The following CUL5 variants were observed in gnomAD, a reference collection of about 807,000 sequenced individuals.
CUL5 encodes the protein cullin 5.
CUL5 carries 26 observed loss-of-function variants against 108.8 expected under a neutral mutation model. The observed-to-expected ratio is 0.24, with a 90% CI of 0.18 to 0.33. CUL5 has a LOEUF of 0.33. CUL5 is among the 10% of genes least tolerant of loss of function. CUL5 has a pLI of 1.00. For missense variants in CUL5, 524 were observed against 909.2 expected (o/e 0.58, Z 5.45); for synonymous variants, 334 against 298.0 (o/e 1.12, Z -1.25).
intron 18 of CUL5, among the ~76,000 whole-genome samples, chr11:108,103,722 A>G (rs1864724893): frequency 1.3e-5 from 2 of 152,230 alleles, no homozygotes; most frequent in African/African-American, 4.8e-5. Context: ...TGAAGGAAAT[A>G]ATATTAAAAC....
chr11:108,092,730 A>T (rs1359703736), intron 13 of CUL5, among the ~76,000 whole-genome samples: 1 of 152,158 alleles, frequency 6.6e-6, no homozygotes, highest in Non-Finnish European at 1.5e-5. Context: ...GGGTGATGAA[A>T]ATGTTCTAAA....
chr11:108,062,456 T>C (rs1288934294), intron 7 of CUL5, among the ~76,000 whole-genome samples: 1 of 151,588 alleles, frequency 6.6e-6, no homozygotes, highest in African/African-American at 2.4e-5. Context: ...AATCTGCCAG[T>C]ATCATAGATT....
At chr11:108,083,375 T>G (rs761665872) in intron 11 of CUL5, among the ~76,000 whole-genome samples, 6 of 152,246 alleles carry the variant, frequency 3.9e-5, no homozygotes, top group Non-Finnish European at 5.9e-5. Flanking sequence ...GATAATATTG[T>G]ACATTGAATA....
intron 1 of CUL5, among the ~76,000 whole-genome samples, chr11:108,012,051 AT>A (rs1248141563): frequency 2.0e-5 from 3 of 152,244 alleles, no homozygotes; most frequent in Non-Finnish European, 4.4e-5. Flanking sequence ...ATTTTGACAT[AT>A]ACAGTTAACT....
rs1378236999 is a variant in CUL5 at position 108,072,477 on chromosome 11, A to G, written c.1005+15A>G. On this transcript the variant is annotated intron_variant, in intron 9 of 18. Transcript: ENST00000393094. ...CTATTACTACTGTAAGTTTTTTTTCAATGGCAATGATAGATATATATCAAG... is the reference window on the plus strand; with the variant it reads ...CTATTACTACTGTAAGTTTTTTTTCGATGGCAATGATAGATATATATCAAG... The G allele has an allele frequency of 1.0e-5, 16 of 1,594,270 alleles. No individual in the cohort carries two copies. Among genetic ancestry groups the G allele is most frequent in the Non-Finnish European group, 1.4e-5 (16 of 1,169,668 alleles).
At chr11:108,019,068 A>G (rs1266778354) in intron 1 of CUL5, among the ~76,000 whole-genome samples, 3 of 152,022 alleles carry the variant, frequency 2.0e-5, no homozygotes, top group Non-Finnish European at 2.9e-5. Context: ...CATTTACATT[A>G]TAGTAGGTAT....
chr11:108,073,652 G>A (rs1387037603), intron 10 of CUL5, 155 bp downstream of exon 10: 5 of 403,022 alleles, frequency 1.2e-5, no homozygotes, highest in African/African-American at 4.1e-5. Flanking sequence ...TATTCGTTTT[G>A]TCTTGGCTGT....
intron 7 of CUL5, among the ~76,000 whole-genome samples, chr11:108,067,079 CCT>C (rs1863702701): frequency 6.6e-6 from 1 of 152,168 alleles, no homozygotes; most frequent in African/African-American, 2.4e-5. Flanking sequence ...TAACTCAAGA[CCT>C]TATGAACCAA....
At chr11:108,097,484 T>A in intron 16 of CUL5, 152 bp from the exon 17 acceptor site, 1 of 548,996 alleles carries the variant, frequency 1.8e-6, no homozygotes, top group Non-Finnish European at 3.3e-6. Context: ...CTTTCCTCAT[T>A]ATGCATTCAA....
intron 11 of CUL5, among the ~76,000 whole-genome samples, chr11:108,083,635 T>G (rs956527403): frequency 6.6e-6 from 1 of 152,160 alleles, no homozygotes. Context: ...ACAAAATGTT[T>G]TAAAAATTAG....
intron 3 of CUL5, among the ~76,000 whole-genome samples, chr11:108,049,386 G>T (rs1412593264): frequency 6.6e-6 from 1 of 151,354 alleles, no homozygotes; most frequent in African/African-American, 2.4e-5. Flanking sequence ...CTGTCGCCCA[G>T]GCCAGAGTGC....
rs56014421 is a variant in CUL5 at position 108,059,679 on chromosome 11, C to T, written c.780+4724C>T. Among the ~76,000 whole-genome samples the T allele has an allele frequency of 6.2e-3, 949 of 152,056 alleles. 9 individuals are homozygous for T. Among genetic ancestry groups the T allele is most frequent in the Admixed American group, 0.011 (172 of 15,262 alleles). ...GGATCATGAGGTCAGGAGTTCAAGA[C>T]CAGCCTGGCCAACACGGTGAAACCC... is the stretch of plus-strand genomic sequence containing the variant. On this transcript the variant is annotated intron_variant, in intron 7 of 18. Coordinates refer to ENST00000393094, the MANE Select transcript of CUL5 (RefSeq NM_003478.6).
At chr11:108,065,329 A>AT (rs1196817573) in intron 7 of CUL5, among the ~76,000 whole-genome samples, 2 of 151,954 alleles carry the variant, frequency 1.3e-5, no homozygotes, top group African/African-American at 2.4e-5. Context: ...GTTGGGAGAA[A>AT]TTTTATTATG....
intron 2 of CUL5, among the ~76,000 whole-genome samples, chr11:108,038,485 C>T (rs12788061): frequency 0.064 from 9,693 of 151,946 alleles, 420 homozygotes; most frequent in Non-Finnish European, 0.1. Context: ...GTCAGGAGTT[C>T]GAGACCAGCC....
chr11:108,075,566 C>A (rs1402828298), intron 10 of CUL5, among the ~76,000 whole-genome samples: 2 of 152,146 alleles, frequency 1.3e-5, no homozygotes, highest in Non-Finnish European at 2.9e-5. Flanking sequence ...CAGGGAAGTT[C>A]GCTGTGTCGC....
intron 2 of CUL5, among the ~76,000 whole-genome samples, chr11:108,034,786 T>C (rs1862689268): frequency 6.6e-6 from 1 of 152,222 alleles, no homozygotes; most frequent in African/African-American, 2.4e-5. Context: ...TTTCATGTCT[T>C]CTCAATCATC....
At chr11:108,075,977 A>G (rs553298839) in intron 10 of CUL5, among the ~76,000 whole-genome samples, 1 of 152,256 alleles carries the variant, frequency 6.6e-6, no homozygotes, top group East Asian at 1.9e-4. Context: ...GAGCACCCAA[A>G]GTCTACTTAG....
At chr11:108,011,748 G>A (rs549378762) in intron 1 of CUL5, among the ~76,000 whole-genome samples, 1 of 151,946 alleles carries the variant, frequency 6.6e-6, no homozygotes, top group East Asian at 1.9e-4. Flanking sequence ...CTGCCTCAGC[G>A]TCCCGAGTAG....
chr11:108,072,606 C>T, intron 9 of CUL5, 144 bp downstream of exon 9: 1 of 551,476 alleles, frequency 1.8e-6, no homozygotes, highest in East Asian at 3.0e-5. Context: ...AGTTATAGTT[C>T]AATAGGAAGA....
Sources: gnomAD v4.1 joint callset for allele counts (sites outside exome capture counted in the v4.1 genomes callset) on GRCh38, gnomAD v4.1.1 for gene constraint, MANE v1.5 for transcripts, NCBI Gene and HGNC (gene_info 2026-07-23, HGNC 2026-07-21) for gene names.